Variants in CDH20 observed in about 807,000 individuals in gnomAD.
The protein encoded by CDH20 is cadherin-20.
A neutral mutation model predicts 74.2 loss-of-function variants in CDH20; 29 were observed. The observed-to-expected ratio is 0.39, with a 90% CI of 0.29 to 0.53. The LOEUF (loss-of-function observed/expected upper bound fraction) is 0.53, where lower values mean the gene tolerates loss of function less well. Among genes scored for constraint, CDH20 ranks in the 20% least tolerant of loss-of-function variants. The pLI is 0.69. For missense variants in CDH20, 988 were observed against 1,048.3 expected, an observed-to-expected ratio of 0.94 and a Z score of 0.79; for synonymous variants, 469 against 405.4, an observed-to-expected ratio of 1.16 and a Z score of -1.88.
At chr18:61,345,293 C>T (rs535030688) in intron 1 of CDH20, among the ~76,000 whole-genome samples, 131 of 152,130 alleles carry the variant, frequency 8.6e-4, no homozygotes, top group African/African-American at 3.1e-3. Context: ...AGGAGGGAGC[C>T]CAAGCACTTG....
chr18:61,528,343 T>C (rs1912514498), intron 7 of CDH20, 123 bp downstream of exon 7: 1 of 1,029,548 alleles, frequency 9.7e-7, no homozygotes, highest in Non-Finnish European at 1.4e-6. Context: ...ACTCTCCTCT[T>C]TGAGTTTTTT....
Position 61,398,638 on chromosome 18 carries a change from C to A in CDH20, c.-153+64811C>A, listed in dbSNP as rs376826525. ...GTTATTATGAATTTAAGATGGTCTC[C>A]CCTATCTACAGAGCACAGGCCTTCT... On this transcript the variant is annotated intron_variant, in intron 1 of 11. Coordinates refer to ENST00000262717, the MANE Select transcript of CDH20 (RefSeq NM_031891.4). Among the ~76,000 whole-genome samples the A allele has an allele frequency of 1.8e-4, 27 of 152,172 alleles. No homozygotes were observed. In the East Asian group the frequency reaches 5.2e-3, roughly 29 times the overall value.
rs150690055 is a variant in CDH20, at chr18:61,544,117, T to G, written c.1531-910T>G. Among the ~76,000 whole-genome samples the G allele has an allele frequency of 8.5e-5, 13 of 152,350 alleles. No homozygotes were observed. The East Asian group carries it at 2.5e-3, about 29-fold the overall frequency. ...TTAAATCCCAAGGTGTGTGATGGCA[T>G]GGAGACTGTGCAGGGAAGTTTCACA... On this transcript the variant is annotated intron_variant, in intron 9 of 11. Coordinates refer to ENST00000262717, the MANE Select transcript of CDH20 (RefSeq NM_031891.4).
intron 7 of CDH20, among the ~76,000 whole-genome samples, chr18:61,533,952 C>T (rs1318443049): frequency 6.6e-6 from 1 of 152,082 alleles, no homozygotes; most frequent in African/African-American, 2.4e-5. Context: ...GAGTTTTTTT[C>T]TCAGCTCTCT....
intron 11 of CDH20, among the ~76,000 whole-genome samples, chr18:61,552,935 T>A (rs1180773884): frequency 6.6e-6 from 1 of 152,170 alleles, no homozygotes. Context: ...AGTCTCTTTT[T>A]CTCTAGGAAT....
intron 5 of CDH20, among the ~76,000 whole-genome samples, chr18:61,504,305 T>G (rs1245979456): frequency 2.0e-5 from 3 of 152,154 alleles, no homozygotes; most frequent in Non-Finnish European, 2.9e-5. Context: ...AATAGCAGGA[T>G]GAGTGGAATG....
At chr18:61,447,365 T>G (rs1222007303) in intron 1 of CDH20, among the ~76,000 whole-genome samples, 1 of 152,202 alleles carries the variant, frequency 6.6e-6, no homozygotes, top group Admixed American at 6.5e-5. Flanking sequence ...GGTTGGAGTT[T>G]ATAATCCCCC....
chr18:61,517,756 G>T (rs1912053080), intron 6 of CDH20, among the ~76,000 whole-genome samples: 1 of 152,020 alleles, frequency 6.6e-6, no homozygotes, highest in African/African-American at 2.4e-5. Context: ...CACCTGGAAT[G>T]CCAGTGAGAC....
At chr18:61,414,713 T>C (rs1912627862) in intron 1 of CDH20, among the ~76,000 whole-genome samples, 1 of 152,028 alleles carries the variant, frequency 6.6e-6, no homozygotes, top group Non-Finnish European at 1.5e-5. Context: ...TAGAAACCAA[T>C]TTAAGTTTTA....
intron 1 of CDH20, among the ~76,000 whole-genome samples, chr18:61,434,711 A>C (rs1323094764): frequency 2.0e-5 from 3 of 152,136 alleles, no homozygotes; most frequent in Non-Finnish European, 4.4e-5. Context: ...TTTCTTCCTA[A>C]GTCTTAATTT....
chr18:61,479,045 C>A (rs1016316528), intron 1 of CDH20, among the ~76,000 whole-genome samples: 1 of 151,858 alleles, frequency 6.6e-6, no homozygotes, highest in Admixed American at 6.6e-5. Flanking sequence ...CTCAGAAACA[C>A]TTAAAGTGTG....
chr18:61,457,899 G>A (rs1247264826), intron 1 of CDH20, among the ~76,000 whole-genome samples: 1 of 152,064 alleles, frequency 6.6e-6, no homozygotes, highest in Admixed American at 6.6e-5. Flanking sequence ...ACCCTCTTAT[G>A]TCCTAATTTT....
At chr18:61,380,334 T>C (rs2144177990) in intron 1 of CDH20, among the ~76,000 whole-genome samples, 1 of 152,098 alleles carries the variant, frequency 6.6e-6, no homozygotes, top group South Asian at 2.1e-4. Flanking sequence ...AGGAGGTGAA[T>C]TCAAACCGCA....
At chr18:61,387,842 T>G (rs572163497) in intron 1 of CDH20, among the ~76,000 whole-genome samples, 1 of 152,176 alleles carries the variant, frequency 6.6e-6, no homozygotes, top group Non-Finnish European at 1.5e-5. Flanking sequence ...ATGAATTATT[T>G]CAAATTCTAA....
chr18:61,426,468 T>C (rs1313993169), intron 1 of CDH20, among the ~76,000 whole-genome samples: 5 of 152,228 alleles, frequency 3.3e-5, no homozygotes, highest in African/African-American at 7.2e-5. Flanking sequence ...GAATTTTTAA[T>C]AGACCTAGCA....
At chr18:61,351,312 C>G (rs1007496034) in intron 1 of CDH20, among the ~76,000 whole-genome samples, 14 of 152,134 alleles carry the variant, frequency 9.2e-5, no homozygotes, top group African/African-American at 3.4e-4. Flanking sequence ...CTCTGGTAAG[C>G]TCCTGTAGTC....
intron 1 of CDH20, among the ~76,000 whole-genome samples, chr18:61,456,615 G>A (rs936850528): frequency 1.3e-5 from 2 of 151,880 alleles, no homozygotes; most frequent in Admixed American, 1.3e-4. Flanking sequence ...CCTAGTTTTG[G>A]ATGGGAGACA....
chr18:61,366,208 G>T (rs1225575223), intron 1 of CDH20, among the ~76,000 whole-genome samples: 1 of 151,920 alleles, frequency 6.6e-6, no homozygotes, highest in Admixed American at 6.6e-5. Context: ...AAATGTCAGG[G>T]GCCAGAGAAA....
chr18:61,422,756 A>G (rs555643282), intron 1 of CDH20, among the ~76,000 whole-genome samples: 14 of 150,852 alleles, frequency 9.3e-5, no homozygotes, highest in Non-Finnish European at 1.6e-4. Flanking sequence ...TTTTAAATAT[A>G]TAAAATATAT....
Sources: gnomAD v4.1 joint callset for allele counts (sites outside exome capture counted in the v4.1 genomes callset) on GRCh38, gnomAD v4.1.1 for gene constraint, MANE v1.5 for transcripts, NCBI Gene and HGNC (gene_info 2026-07-23, HGNC 2026-07-21) for gene names.